Variants in MYH13 observed in about 807,000 individuals in gnomAD.
The protein encoded by MYH13 is myosin heavy chain 13, also known as myosin-13.
A neutral mutation model predicts 232.1 loss-of-function variants in MYH13; 177 were observed. The observed-to-expected ratio is 0.76, with a 90% CI of 0.67 to 0.86. The LOEUF is 0.86. Among genes scored for constraint, MYH13 ranks in the 40% least tolerant of loss-of-function variants. MYH13 has a pLI of 0.00. For missense variants in MYH13, 2,246 were observed against 2,405.9 expected, an observed-to-expected ratio of 0.93 and a Z score of 1.39; for synonymous variants, 884 against 923.5, an observed-to-expected ratio of 0.96 and a Z score of 0.78.
intron 21 of MYH13, among the ~76,000 whole-genome samples, chr17:10,329,800 T>C (rs1448179940): frequency 6.6e-6 from 1 of 152,142 alleles, no homozygotes; most frequent in Admixed American, 6.5e-5. Context: ...CTGGCCAACA[T>C]GGTGAAACCC....
At chr17:10,316,179 G>A (rs1004756456) in intron 27 of MYH13, among the ~76,000 whole-genome samples, 154 bp from the exon 28 acceptor site, 1 of 152,082 alleles carries the variant, frequency 6.6e-6, no homozygotes, top group Non-Finnish European at 1.5e-5. Flanking sequence ...AATCATAATC[G>A]GCCAGGCGCA....
intron 22 of MYH13, among the ~76,000 whole-genome samples, chr17:10,327,320 T>A (rs1474499950): frequency 3.3e-5 from 5 of 151,168 alleles, no homozygotes; most frequent in African/African-American, 1.2e-4. Context: ...TTTTTAAAAA[T>A]TTTTTTACAG....
rs527991967 is a variant in MYH13 at position 10,343,204 on chromosome 17, A to T, written c.1894+596T>A. 3.6e-3 allele frequency among the ~76,000 whole-genome samples: 535 copies of T among 147,240 alleles called. 3 individuals are homozygous for T. Among genetic ancestry groups the T allele is most frequent in the African/African-American group, 0.013 (518 of 40,226 alleles). ...TTGTGAATATCCTAAAAACCACTAA[A>T]TTTTTTTTTTTTTAATAGAGTCTCA... On this transcript the variant is annotated intron_variant, in intron 16 of 40. Coordinates refer to ENST00000252172, the MANE Select transcript of MYH13 (RefSeq NM_003802.3).
chr17:10,321,549 C>T lies in MYH13; in HGVS notation c.3094G>A (p.Glu1032Lys), dbSNP rs751092152. Residue 1032 changes from glutamate to lysine, a missense_variant, in exon 24 of 41, where the codon GAA (glutamate) becomes AAA (lysine). Physicochemically the swap from Glu to Lys is moderately conservative, Grantham distance 56 (BLOSUM62 1). Coordinates refer to ENST00000252172, the MANE Select transcript of MYH13 (RefSeq NM_003802.3). ...NGLIKINAKL[E>K]QQTDDLEGSL... The stretch of plus-strand genomic sequence containing the variant: ...ATCCTCACATCATCTGTTTGCTGTT[C>T]AAGCTTGGCATTTATTTTGATTAGA... 4 of 1,612,138 alleles carry T rather than the reference C, an allele frequency of 2.5e-6. No homozygotes were observed. The highest frequency in any genetic ancestry group is 1.7e-5 in the Admixed American group (1 of 59,644).
intron 35 of MYH13, among the ~76,000 whole-genome samples, chr17:10,308,085 G>A (rs1195701646): frequency 6.6e-6 from 1 of 152,156 alleles, no homozygotes; most frequent in Non-Finnish European, 1.5e-5. Flanking sequence ...AGAGCTTTGG[G>A]AGGCTGAGGC....
intron 13 of MYH13, 115 bp downstream of exon 13, chr17:10,346,565 T>G (rs2071667755): frequency 4.4e-6 from 3 of 688,236 alleles, no homozygotes; most frequent in East Asian, 3.2e-5. Context: ...AACTTCCTCT[T>G]AATGTGAAAG....
intron 11 of MYH13, among the ~76,000 whole-genome samples, chr17:10,351,008 T>A (rs918177610): frequency 1.3e-5 from 2 of 151,616 alleles, no homozygotes; most frequent in African/African-American, 4.8e-5. Context: ...GATTACGAGG[T>A]CAGGAGTTTG....
Position 10,320,514 on chromosome 17 carries a change from T to G in MYH13, c.3112-18A>C. On this transcript the variant is annotated intron_variant, in intron 24 of 40. Transcript: ENST00000252172. ...CCCTCAAGCTGAGAAGACACACAGG[T>G]AGAAAATTAAGCCCCTGCTGGGGAA... is the stretch of plus-strand genomic sequence containing the variant. 6.2e-7 allele frequency: 1 copy of G among 1,607,318 alleles called. No individual in the cohort carries two copies. The highest frequency in any genetic ancestry group is 2.2e-5 in the East Asian group (1 of 44,716).
At chr17:10,333,633 G>T (rs994800019) in intron 18 of MYH13, among the ~76,000 whole-genome samples, 2 of 152,196 alleles carry the variant, frequency 1.3e-5, no homozygotes, top group Non-Finnish European at 2.9e-5. Flanking sequence ...CCGGCTGGGC[G>T]CGGTGGCTCA....
At chr17:10,333,318 G>GCCAGC (rs1020539400) in intron 18 of MYH13, 127 bp from the exon 19 acceptor site, 5 of 698,510 alleles carry the variant, frequency 7.2e-6, no homozygotes, top group Non-Finnish European at 9.9e-6. Context: ...GAGAGTCAGT[G>GCCAGC]CCAGCTCCAA....
chr17:10,334,002 G>A (rs1907502931), intron 18 of MYH13, among the ~76,000 whole-genome samples: 1 of 152,220 alleles, frequency 6.6e-6, no homozygotes, highest in Non-Finnish European at 1.5e-5. Flanking sequence ...CCCTGCTATA[G>A]GAATTGGGGG....
chr17:10,353,805 G>A (rs1462593968), intron 11 of MYH13, among the ~76,000 whole-genome samples: 3 of 152,030 alleles, frequency 2.0e-5, no homozygotes, highest in Non-Finnish European at 2.9e-5. Flanking sequence ...CCCAGGAGGC[G>A]GAGGTTGCCG....
chr17:10,350,831 A>T, intron 11 of MYH13, 137 bp from the exon 12 acceptor site: 1 of 1,123,464 alleles, frequency 8.9e-7, no homozygotes, highest in Non-Finnish European at 1.3e-6. Context: ...ACAGGTGGGG[A>T]TGTGGTAAAT....
Position 10,357,418 on chromosome 17 carries a change from G to A in MYH13, c.738+317C>T, listed in dbSNP as rs2071757604. 2.0e-5 allele frequency among the ~76,000 whole-genome samples: 3 copies of A among 152,122 alleles called. No homozygotes were observed. In the South Asian group the frequency reaches 6.2e-4, roughly 32 times the overall value. ...TTAATGGACGTTAACATTTTAAAAT[G>A]TTTCCACACAGAGAGACCCATTTTA... On this transcript the variant is annotated intron_variant, in intron 8 of 40. Transcript: ENST00000252172.
intron 23 of MYH13, 70 bp from the exon 24 acceptor site, chr17:10,321,778 T>A (rs188104100): frequency 4.3e-5 from 60 of 1,384,696 alleles, no homozygotes; most frequent in Middle Eastern, 1.9e-4. Flanking sequence ...CAAAAGCTAT[T>A]GCTTCTTTGC....
Position 10,343,965 on chromosome 17 carries a change from C to A in MYH13, c.1729G>T (p.Ala577Ser), listed in dbSNP as rs376404501. The A allele has an allele frequency of 3.7e-6, 6 of 1,614,190 alleles. No homozygotes were observed. The highest frequency in any genetic ancestry group is 4.2e-6 in the Non-Finnish European group (5 of 1,180,038). The change falls in exon 16 of 41, where the codon GCT becomes TCT. Residue 577 changes from alanine to serine, a missense_variant. Ala to Ser is a moderately conservative substitution (Grantham distance 99). Coordinates refer to ENST00000252172, the MANE Select transcript of MYH13 (RefSeq NM_003802.3). ...GCATAGTGCACCAGCGAGAAGTGAGCCTCAGCCTTGCCTTTGGCAGGCTTG... is the reference window on the plus strand; with the variant it reads ...GCATAGTGCACCAGCGAGAAGTGAGACTCAGCCTTGCCTTTGGCAGGCTTG... ...KPKPAKGKAEAHFSLVHYAGT... is the reference protein window; with the variant it reads ...KPKPAKGKAESHFSLVHYAGT...
rs1338372244 is a variant in MYH13 at position 10,328,025 on chromosome 17, C to T, written c.2532G>A (p.Leu844=). 3 of 1,614,204 alleles carry T rather than the reference C, an allele frequency of 1.9e-6. No homozygotes were observed. Among genetic ancestry groups the T allele is most frequent in the Non-Finnish European group, 2.5e-6 (3 of 1,180,024 alleles). The stretch of plus-strand genomic sequence containing the variant: ...TCTCCTTCTCGGCCTCTGCACTCTT[C>T]AGCAGGGGCTTGATTTTGAAGAACA... ...MNLFFKIKPL[L]KSAEAEKEMA... The change falls in exon 22 of 41, where the codon CTG becomes CTA. Residue 844 remains leucine, a synonymous_variant. Transcript: ENST00000252172.
chr17:10,309,815 C>A lies in MYH13; in HGVS notation c.4672G>T (p.Glu1558Ter). The A allele has an allele frequency of 6.3e-7, 1 of 1,581,446 alleles. No homozygotes were observed. Among genetic ancestry groups the A allele is most frequent in the East Asian group, 2.3e-5 (1 of 43,508 alleles). ...LEEVEGSLEH[E>*]ESKILRVQLE... ...TGCACGCGCAAGATCTTGCTCTCCT[C>A]GTGTTCCAAGGAACCCTGACGAAAG... Residue 1558 changes from glutamate to a stop codon, truncating the protein, a stop_gained, in exon 34 of 41, where the codon GAG becomes TAG. Transcript: ENST00000252172. LOFTEE classifies it high-confidence loss of function.
At chr17:10,342,024 TA>T (rs1433391464) in intron 16 of MYH13, among the ~76,000 whole-genome samples, 1 of 152,122 alleles carries the variant, frequency 6.6e-6, no homozygotes, top group Non-Finnish European at 1.5e-5. Context: ...CTGGTAATCT[TA>T]AAAAGTGTTA....
Sources: allele counts gnomAD v4.1 joint callset (sites outside exome capture counted in the v4.1 genomes callset), GRCh38; gene constraint gnomAD v4.1.1; transcripts MANE v1.5; gene names NCBI Gene and HGNC (gene_info 2026-07-23, HGNC 2026-07-21).